The following PPP4R2 variants were observed in gnomAD, a reference collection of about 807,000 sequenced individuals.
PPP4R2 encodes serine/threonine-protein phosphatase 4 regulatory subunit 2.
A neutral mutation model predicts 47.2 loss-of-function variants in PPP4R2; 13 were observed. The observed-to-expected ratio is 0.28, with a 90% CI of 0.18 to 0.44. PPP4R2 has a LOEUF of 0.44. PPP4R2 is among the 20% of genes least tolerant of loss of function. The pLI is 1.00. For missense variants in PPP4R2, 421 were observed against 491.2 expected (o/e 0.86, Z 1.35); for synonymous variants, 151 against 163.3 (o/e 0.92, Z 0.57).
intron 2 of PPP4R2, among the ~76,000 whole-genome samples, chr3:73,020,777 C>A (rs1386043567): frequency 6.6e-6 from 1 of 151,898 alleles, no homozygotes; most frequent in East Asian, 1.9e-4. Flanking sequence ...GTCCTCTCAC[C>A]TTGGCCTCCT....
chr3:73,062,761 G>T (rs750018607), intron 5 of PPP4R2: 1 of 1,613,990 alleles, frequency 6.2e-7, no homozygotes, highest in South Asian at 1.1e-5. Flanking sequence ...CATGGTGAGA[G>T]TGCTGATCTG....
At chr3:73,009,825 A>G (rs1701686103) in intron 2 of PPP4R2, among the ~76,000 whole-genome samples, 1 of 152,232 alleles carries the variant, frequency 6.6e-6, no homozygotes, top group Admixed American at 6.5e-5. Flanking sequence ...AAAACATTAT[A>G]TGTTGAGAAA....
At chr3:73,026,930 T>G (rs983300597) in intron 2 of PPP4R2, among the ~76,000 whole-genome samples, 2 of 152,166 alleles carry the variant, frequency 1.3e-5, no homozygotes, top group Non-Finnish European at 2.9e-5. Context: ...ACCTGTGCAA[T>G]TATGGGCAGT....
chr3:73,051,657 C>T (rs1176766802), intron 3 of PPP4R2, among the ~76,000 whole-genome samples: 1 of 152,158 alleles, frequency 6.6e-6, no homozygotes, highest in Admixed American at 6.6e-5. Context: ...GATGGAGTCT[C>T]GCTCTTTGCC....
chr3:73,029,005 A>G (rs562061214), intron 2 of PPP4R2, among the ~76,000 whole-genome samples: 1 of 152,298 alleles, frequency 6.6e-6, no homozygotes, highest in African/African-American at 2.4e-5. Context: ...GAGTGCAGTG[A>G]TGTGATCATG....
intron 2 of PPP4R2, among the ~76,000 whole-genome samples, chr3:73,034,777 C>T (rs773554643): frequency 1.3e-5 from 2 of 152,062 alleles, no homozygotes; most frequent in Non-Finnish European, 2.9e-5. Flanking sequence ...AAGCAGTCTT[C>T]CTGCCTCAGC....
At chr3:73,006,782 C>T (rs1412461004) in intron 2 of PPP4R2, among the ~76,000 whole-genome samples, 4 of 152,228 alleles carry the variant, frequency 2.6e-5, no homozygotes, top group African/African-American at 7.2e-5. Context: ...TCAGTTTCAG[C>T]TGCTGTTCTC....
At chr3:73,053,364 G>A (rs931831946) in intron 3 of PPP4R2, among the ~76,000 whole-genome samples, 1 of 151,236 alleles carries the variant, frequency 6.6e-6, no homozygotes, top group Non-Finnish European at 1.5e-5. Flanking sequence ...ACCTGGTCTT[G>A]TCTAGTGGTA....
In PPP4R2 at chr3:72,996,864, C is replaced by T. The variant is rs955838929; in HGVS notation, c.-174C>T. On this transcript the variant is annotated 5_prime_UTR_variant, in exon 1 of 9. Transcript: ENST00000356692. The stretch of plus-strand genomic sequence containing the variant: ...CGGCTTGGGGAGGTGCTCGCTCTGT[C>T]GGTCTTGCTCTCTCGCACGCTTCCC... The T allele has an allele frequency of 1.2e-5, 5 of 414,270 alleles. No homozygotes were observed. The highest frequency in any genetic ancestry group is 2.1e-5 in the African/African-American group (1 of 48,594). 25.7% of individuals were successfully genotyped at this position (414,270 alleles called of 1,614,324 possible).
At chr3:73,050,815 T>G (rs1702596029) in intron 3 of PPP4R2, among the ~76,000 whole-genome samples, 3 of 152,248 alleles carry the variant, frequency 2.0e-5, no homozygotes, top group Admixed American at 2.0e-4. Context: ...AGGCATTTAT[T>G]TTTTTGGCTG....
intron 2 of PPP4R2, among the ~76,000 whole-genome samples, chr3:73,035,212 A>T (rs1702240029): frequency 6.6e-6 from 1 of 152,176 alleles, no homozygotes; most frequent in Non-Finnish European, 1.5e-5. Context: ...CCACGATGAG[A>T]TGTTATACAC....
intron 5 of PPP4R2, 85 bp downstream of exon 5, chr3:73,061,145 C>T: frequency 1.7e-6 from 1 of 595,684 alleles, no homozygotes; most frequent in East Asian, 3.4e-5. Context: ...TTAAAATAGA[C>T]TGAATTTATT....
rs190497307 is a variant in PPP4R2, at chr3:73,011,056, C to T, written c.116+12898C>T. On this transcript the variant is annotated intron_variant, in intron 2 of 8. Coordinates refer to ENST00000356692, the MANE Select transcript of PPP4R2 (RefSeq NM_174907.4). Reference sequence around the variant, plus strand: ...AATGGAACTGGGTTTTATACTCAGGCATTCTGGCTCCAAATCCTCTTGTAA... The same window carrying T: ...AATGGAACTGGGTTTTATACTCAGGTATTCTGGCTCCAAATCCTCTTGTAA... Among the ~76,000 whole-genome samples, 658 of 152,266 alleles carry T rather than the reference C, an allele frequency of 4.3e-3. 3 individuals carry two copies. Among genetic ancestry groups the T allele is most frequent in the African/African-American group, 0.015 (626 of 41,560 alleles).
intron 2 of PPP4R2, 62 bp from the exon 3 acceptor site, chr3:73,047,117 ATTTGTGT>A (rs2107310204): frequency 1.2e-6 from 1 of 861,024 alleles, no homozygotes; most frequent in African/African-American, 1.7e-5. Flanking sequence ...TATATTTTAT[ATTTGTGT>A]TTTGTGTTCA....
At chr3:73,009,018 C>T (rs932011444) in intron 2 of PPP4R2, among the ~76,000 whole-genome samples, 2 of 152,124 alleles carry the variant, frequency 1.3e-5, no homozygotes, top group African/African-American at 4.8e-5. Flanking sequence ...CTTAATGCAG[C>T]GACAGGCAGA....
At chr3:73,044,389 A>G (rs1051175256) in intron 2 of PPP4R2, among the ~76,000 whole-genome samples, 5 of 152,150 alleles carry the variant, frequency 3.3e-5, no homozygotes, top group African/African-American at 1.2e-4. Flanking sequence ...GTTCGAGACC[A>G]GCCTGGCCAA....
intron 2 of PPP4R2, among the ~76,000 whole-genome samples, chr3:73,012,995 G>A (rs1470345524): frequency 2.0e-5 from 3 of 150,986 alleles, no homozygotes; most frequent in South Asian, 2.1e-4. Flanking sequence ...AAGACAAGTC[G>A]TGTTTCTTTT....
chr3:73,016,738 T>TC (rs1559551161), intron 2 of PPP4R2, among the ~76,000 whole-genome samples: 7 of 108,496 alleles, frequency 6.5e-5, no homozygotes, highest in African/African-American at 2.6e-4. Flanking sequence ...TGTTTATTTT[T>TC]ATTATTTTTT....
intron 2 of PPP4R2, among the ~76,000 whole-genome samples, chr3:73,044,582 T>G (rs78245718): frequency 0.048 from 7,265 of 152,218 alleles, 578 homozygotes; most frequent in African/African-American, 0.17. Flanking sequence ...TGACACTGTC[T>G]CAGAAAGGAA....
Sources: gnomAD v4.1 joint callset for allele counts (sites outside exome capture counted in the v4.1 genomes callset) on GRCh38, gnomAD v4.1.1 for gene constraint, MANE v1.5 for transcripts, NCBI Gene and HGNC (gene_info 2026-07-23, HGNC 2026-07-21) for gene names.